UNC5D: variants seen among roughly 807,000 people sequenced by gnomAD.
UNC5D encodes netrin receptor UNC5D.
Under a neutral mutation model 105.4 loss-of-function variants are expected in UNC5D, and 39 were observed. That is an observed-to-expected ratio of 0.37 (90% CI 0.29 to 0.48). UNC5D has a LOEUF of 0.48. Among genes scored for constraint, UNC5D ranks in the 20% least tolerant of loss-of-function variants. The pLI is 0.98. For missense variants in UNC5D, 991 were observed against 1,202.4 expected, an observed-to-expected ratio of 0.82 and a Z score of 2.60; for synonymous variants, 452 against 450.4, an observed-to-expected ratio of 1.00 and a Z score of -0.04.
At chr8:35,774,670 G>A (rs534794233) in intron 16 of UNC5D, among the ~76,000 whole-genome samples, 193 bp downstream of exon 16, 2 of 152,200 alleles carry the variant, frequency 1.3e-5, no homozygotes, top group East Asian at 3.9e-4. Context: ...GGTGGCTCAC[G>A]CCTGAAATCC....
chr8:35,272,735 C>G (rs991074169), intron 1 of UNC5D, among the ~76,000 whole-genome samples: 1 of 152,168 alleles, frequency 6.6e-6, no homozygotes, highest in African/African-American at 2.4e-5. Flanking sequence ...TTCGCCACTT[C>G]TACATAAGAT....
chr8:35,394,591 T>TG (rs1803986327), intron 1 of UNC5D, among the ~76,000 whole-genome samples: 1 of 142,386 alleles, frequency 7.0e-6, no homozygotes, highest in Non-Finnish European at 1.5e-5. Flanking sequence ...TTTCATTTTG[T>TG]AAAAAAAAAA....
At chr8:35,305,577 T>TTTC (rs1808284926) in intron 1 of UNC5D, among the ~76,000 whole-genome samples, 27 of 53,998 alleles carry the variant, frequency 5.0e-4, no homozygotes, top group African/African-American at 1.4e-3. Context: ...CTTTCTTTCT[T>TTTC]TTTCTTTCTT....
Position 35,276,274 on chromosome 8 carries a change from G to A in UNC5D, c.103+40387G>A, listed in dbSNP as rs1197987943. 3.3e-5 allele frequency among the ~76,000 whole-genome samples: 5 copies of A among 152,232 alleles called. No individual in the cohort carries two copies. In the East Asian group the frequency reaches 9.7e-4, roughly 29 times the overall value. ...ATAATAGATCAAAGTTTATATATGT[G>A]GAAGTTGTTTTTTTTCTCCCCCCTA... On this transcript the variant is annotated intron_variant, in intron 1 of 16. Coordinates refer to ENST00000404895, the MANE Select transcript of UNC5D (RefSeq NM_080872.4).
At chr8:35,748,755 T>A in intron 12 of UNC5D, 60 bp downstream of exon 12, 1 of 1,557,698 alleles carries the variant, frequency 6.4e-7, no homozygotes, top group Non-Finnish European at 8.7e-7. Flanking sequence ...ATGGGATATA[T>A]TTAACCTTAA....
At chr8:35,414,507 AC>A (rs1805405741) in intron 1 of UNC5D, among the ~76,000 whole-genome samples, 1 of 152,056 alleles carries the variant, frequency 6.6e-6, no homozygotes, top group South Asian at 2.1e-4. Flanking sequence ...TTATTTACTA[AC>A]CTAAAACTCT....
At position 35,459,459 on chromosome 8, in the gene UNC5D, T is replaced by G. The variant is rs150771084; in HGVS notation, c.104-89833T>G. ...CTGCTTGTTGAACACACATTAATCC[T>G]GGAATTGGTGTTGAATCCAATCACA... On this transcript the variant is annotated intron_variant, in intron 1 of 16. Coordinates refer to ENST00000404895, the MANE Select transcript of UNC5D (RefSeq NM_080872.4). Among the ~76,000 whole-genome samples, 9 of 152,334 alleles carry G rather than the reference T, an allele frequency of 5.9e-5. No homozygotes were observed. In the East Asian group the frequency reaches 1.7e-3, roughly 29 times the overall value.
At chr8:35,545,714 G>A (rs1815613559) in intron 1 of UNC5D, among the ~76,000 whole-genome samples, 2 of 151,762 alleles carry the variant, frequency 1.3e-5, no homozygotes, top group Admixed American at 1.3e-4. Flanking sequence ...AATAAACAGT[G>A]ATATGTATAC....
chr8:35,564,301 G>A (rs969306616), intron 2 of UNC5D, among the ~76,000 whole-genome samples: 5 of 152,064 alleles, frequency 3.3e-5, no homozygotes, highest in African/African-American at 1.2e-4. Flanking sequence ...GTTATTGAAT[G>A]CTTCTTTGGT....
intron 1 of UNC5D, among the ~76,000 whole-genome samples, chr8:35,400,825 A>C (rs1409793890): frequency 1.3e-5 from 2 of 152,132 alleles, no homozygotes; most frequent in African/African-American, 4.8e-5. Context: ...GGATGAGAAA[A>C]TTTGTAATTG....
At chr8:35,427,052 C>A (rs539484613) in intron 1 of UNC5D, among the ~76,000 whole-genome samples, 2 of 152,242 alleles carry the variant, frequency 1.3e-5, no homozygotes, top group South Asian at 4.1e-4. Flanking sequence ...AATACATCTT[C>A]TTTGATTTAT....
chr8:35,667,819 T>C (rs1203040274), intron 4 of UNC5D, among the ~76,000 whole-genome samples: 1 of 152,226 alleles, frequency 6.6e-6, no homozygotes, highest in East Asian at 1.9e-4. Context: ...TAGTATTTCA[T>C]TGAGTAAATG....
chr8:35,425,521 G>T (rs1002543592), intron 1 of UNC5D, among the ~76,000 whole-genome samples: 1 of 152,134 alleles, frequency 6.6e-6, no homozygotes. Flanking sequence ...TAGGATTATG[G>T]TAAGCCCTGC....
rs376392171 is a variant in UNC5D, at chr8:35,571,855, T to A, written c.466+3614T>A. ...TTGATAGATGAATGTAGCTTATGAA[T>A]CTGATGACAATCATCTTGAGGGGGC... On this transcript the variant is annotated intron_variant, in intron 3 of 16. Coordinates refer to ENST00000404895, the MANE Select transcript of UNC5D (RefSeq NM_080872.4). Among the ~76,000 whole-genome samples, 107 of 152,346 alleles carry A rather than the reference T, an allele frequency of 7.0e-4. 2 individuals carry two copies. The highest frequency in any genetic ancestry group is 2.5e-3 in the African/African-American group (104 of 41,582).
chr8:35,724,530 C>T (rs1322626549), intron 9 of UNC5D, among the ~76,000 whole-genome samples: 5 of 152,188 alleles, frequency 3.3e-5, no homozygotes, highest in Non-Finnish European at 5.9e-5. Flanking sequence ...GCTGGTCAGA[C>T]TTCAGTCAAG....
intron 1 of UNC5D, among the ~76,000 whole-genome samples, chr8:35,421,882 CCTATT>C (rs1805928504): frequency 6.6e-6 from 1 of 152,184 alleles, no homozygotes; most frequent in African/African-American, 2.4e-5. Context: ...TATCTACCGA[CCTATT>C]CTACAGTGGG....
Position 35,769,890 on chromosome 8 carries a change from A to G in UNC5D, c.2478+2824A>G, listed in dbSNP as rs192093854. 1.1e-3 allele frequency among the ~76,000 whole-genome samples: 168 copies of G among 152,138 alleles called. 1 individual carries two copies. Among genetic ancestry groups the G allele is most frequent in the African/African-American group, 3.8e-3 (158 of 41,504 alleles). ...AAACAGGAGAATTGCTTGAACCCAG[A>G]AGGCAGAGGTTGCAGTGAGATGAGA... On this transcript the variant is annotated intron_variant, in intron 15 of 16. Transcript: ENST00000404895.
At chr8:35,270,122 TTTC>T (rs1424028418) in intron 1 of UNC5D, among the ~76,000 whole-genome samples, 1 of 152,166 alleles carries the variant, frequency 6.6e-6, no homozygotes, top group Non-Finnish European at 1.5e-5. Context: ...GAGATGAACT[TTTC>T]TTTCCACCAG....
chr8:35,266,883 C>T (rs1036004241), intron 1 of UNC5D, among the ~76,000 whole-genome samples: 5 of 152,122 alleles, frequency 3.3e-5, no homozygotes, highest in African/African-American at 1.2e-4. Flanking sequence ...AAAATGGAGC[C>T]TCTGGAGAAT....
Sources: allele counts gnomAD v4.1 joint callset (sites outside exome capture counted in the v4.1 genomes callset), GRCh38; gene constraint gnomAD v4.1.1; transcripts MANE v1.5; gene names NCBI Gene and HGNC (gene_info 2026-07-23, HGNC 2026-07-21).